KIF1B: variants seen among roughly 807,000 people sequenced by gnomAD.
The protein encoded by KIF1B is kinesin family member 1B, also known as kinesin-like protein KIF1B.
A neutral mutation model predicts 241.9 loss-of-function variants in KIF1B; 76 were observed. The observed-to-expected ratio is 0.31, with a 90% CI of 0.26 to 0.38. The LOEUF (loss-of-function observed/expected upper bound fraction) is 0.38, where lower values mean the gene tolerates loss of function less well. Among genes scored for constraint, KIF1B ranks in the 10% least tolerant of loss-of-function variants. The pLI, the probability that KIF1B is intolerant of heterozygous loss-of-function variation, is 1.00. For synonymous variants in KIF1B, 750 were observed against 796.7 expected, an observed-to-expected ratio of 0.94 and a Z score of 0.99; for missense variants, 1,622 against 2,271.4, an observed-to-expected ratio of 0.71 and a Z score of 5.81.
rs761570473 is a variant in KIF1B, at chr1:10,276,362, G to A, written c.1000G>A (p.Ala334Thr). ...TGCAATGGTTGCTGCTCTGAGCCCC[G>A]CGGATATCAACTACGATGAGACTTT... ...RTAMVAALSP[A>T]DINYDETLST... Residue 334 changes from alanine (A) to threonine (T), a missense_variant, in exon 12 of 49, where the codon GCG becomes ACG. Physicochemically the swap from Ala to Thr is moderately conservative, Grantham distance 58 (BLOSUM62 0). Transcript: ENST00000676179. 2.5e-6 allele frequency: 4 copies of A among 1,613,790 alleles called. No homozygotes were observed. Among genetic ancestry groups the A allele is most frequent in the Admixed American group, 1.7e-5 (1 of 60,000 alleles).
chr1:10,314,831 A>G (rs1340264775), intron 22 of KIF1B, among the ~76,000 whole-genome samples: 1 of 151,680 alleles, frequency 6.6e-6, no homozygotes, highest in Non-Finnish European at 1.5e-5. Flanking sequence ...CTTAACTGTC[A>G]GAGTCTGAGA....
chr1:10,276,415 C>T lies in KIF1B; in HGVS notation c.1037+16C>T. ...GCACTCTGAGGTACTTTCTTTTGATCTCAGTAACAACATAGACCACATTGC... is the reference window on the plus strand; with the variant it reads ...GCACTCTGAGGTACTTTCTTTTGATTTCAGTAACAACATAGACCACATTGC... On this transcript the variant is annotated intron_variant, in intron 12 of 48. Transcript: ENST00000676179. The T allele has an allele frequency of 6.3e-7, 1 of 1,595,722 alleles. No individual in the cohort carries two copies. Among genetic ancestry groups the T allele is most frequent in the Non-Finnish European group, 8.6e-7 (1 of 1,164,058 alleles).
At position 10,271,534 on chromosome 1, in the gene KIF1B, A is replaced by C. The variant is rs537439756; in HGVS notation, c.753A>C (p.Gly251=). The C allele has an allele frequency of 9.3e-6, 15 of 1,614,030 alleles. No individual in the cohort carries two copies. In the African/African-American group the frequency reaches 1.3e-4, roughly 14 times the overall value. Residue 251 remains glycine (G), a synonymous_variant, in exon 8 of 49, where the codon GGA becomes GGC. Transcript: ENST00000676179. ...VSKISLVDLA[G]SERADSTGAK... is the part of the protein sequence containing the mutation. ...AAATCAGCTTGGTGGATCTAGCAGG[A>C]AGTGAACGAGCTGATTCAACTGGTG...
intron 5 of KIF1B, among the ~76,000 whole-genome samples, chr1:10,264,433 G>T (rs546453541): frequency 1.5e-4 from 23 of 152,308 alleles, no homozygotes; most frequent in African/African-American, 5.3e-4. Flanking sequence ...TGGAGCACAT[G>T]AACTTTTACC....
At chr1:10,308,747 G>A (rs1297147594) in intron 22 of KIF1B, 1 of 606,668 alleles carries the variant, frequency 1.6e-6, no homozygotes, top group East Asian at 1.1e-4. Flanking sequence ...AACTTGATTA[G>A]TTTTAAAGCT....
chr1:10,272,163 A>G (rs1416098207), intron 8 of KIF1B, 78 bp from the exon 9 acceptor site: 3 of 943,178 alleles, frequency 3.2e-6, no homozygotes, highest in Non-Finnish European at 1.7e-6. Flanking sequence ...GCATATGGCA[A>G]ATCATATTTT....
chr1:10,257,205 G>A (rs914625870), intron 3 of KIF1B, among the ~76,000 whole-genome samples: 9 of 151,488 alleles, frequency 5.9e-5, no homozygotes, highest in Non-Finnish European at 1.2e-4. Context: ...TGGGATTAAA[G>A]GAGTGAGCCA....
chr1:10,270,787 G>T (rs372941949), intron 7 of KIF1B, among the ~76,000 whole-genome samples: 2 of 151,900 alleles, frequency 1.3e-5, no homozygotes, highest in African/African-American at 2.4e-5. Context: ...TTAGCTGGGC[G>T]TGGTGGTGGG....
In KIF1B at chr1:10,276,177, C is replaced by G. The variant is rs548108219; in HGVS notation, c.959-144C>G. On this transcript the variant is annotated intron_variant, in intron 11 of 48. Transcript: ENST00000676179. ...CCCACCTGGGTGAAAGAGTGAGACT[C>G]CCTCTCAAAAAAAAAATAAAAGAAA... The G allele has an allele frequency of 1.1e-4, 74 of 678,952 alleles. No individual in the cohort carries two copies. The Middle Eastern group carries it at 1.3e-3, about 12-fold the overall frequency. 42.1% of individuals were successfully genotyped at this position (678,952 alleles called of 1,614,324 possible).
chr1:10,324,899 T>A lies in KIF1B; in HGVS notation c.2675+4T>A. ...ACTGGTTCAAACTTGTGGGGAGGTA[T>A]GTGATGATTTTGTTGATGTCTTCTT... is the stretch of plus-strand genomic sequence containing the variant. On this transcript the variant is annotated splice_donor_region_variant and intron_variant, in intron 26 of 48. Transcript: ENST00000676179. 6.2e-7 allele frequency: 1 copy of A among 1,614,044 alleles called. No individual in the cohort carries two copies.
intron 34 of KIF1B, chr1:10,344,784 CT>C (rs1194443957): frequency 6.6e-6 from 1 of 152,150 alleles, no homozygotes; most frequent in Non-Finnish European, 1.5e-5. Context: ...TTCATGATTG[CT>C]TTTCAAGATA....
At chr1:10,263,663 G>A (rs935209376) in intron 5 of KIF1B, among the ~76,000 whole-genome samples, 7 of 152,270 alleles carry the variant, frequency 4.6e-5, no homozygotes, top group Admixed American at 2.0e-4. Flanking sequence ...AGCATATTTT[G>A]CGTTAAAATG....
Position 10,365,675 on chromosome 1 carries a change from C to T in KIF1B, c.4752+27C>T, listed in dbSNP as rs377537899. ...TGTGAATCCCTTCCTCTTTGCTGAACGTCTTCCCACAAGGCTCCACAAACT... is the reference window on the plus strand; with the variant it reads ...TGTGAATCCCTTCCTCTTTGCTGAATGTCTTCCCACAAGGCTCCACAAACT... On this transcript the variant is annotated intron_variant, in intron 43 of 48. Coordinates refer to ENST00000676179, the MANE Select transcript of KIF1B (RefSeq NM_001365951.3). This position sits in a 1 kb window ranked among gnomAD's most constrained non-coding sequence, Gnocchi z 4.0. 1.1e-5 allele frequency: 18 copies of T among 1,613,420 alleles called. No individual in the cohort carries two copies. Among genetic ancestry groups the T allele is most frequent in the African/African-American group, 2.7e-5 (2 of 74,920 alleles).
At chr1:10,250,825 G>A (rs1432856063) in intron 2 of KIF1B, among the ~76,000 whole-genome samples, 6 of 151,416 alleles carry the variant, frequency 4.0e-5, no homozygotes, top group Admixed American at 4.0e-4. Flanking sequence ...GACGCTGTCT[G>A]GGGAAAACAA....
chr1:10,350,281 C>T (rs992099323), intron 37 of KIF1B, among the ~76,000 whole-genome samples: 4 of 151,236 alleles, frequency 2.6e-5, no homozygotes, highest in Admixed American at 6.6e-5. Context: ...ATAAATAGGC[C>T]GGGCGTGGTG....
intron 43 of KIF1B, among the ~76,000 whole-genome samples, chr1:10,366,927 C>T (rs113875567): frequency 0.036 from 5,387 of 151,624 alleles, 118 homozygotes; most frequent in Middle Eastern, 0.13. Flanking sequence ...GCCGAGATCG[C>T]GCCACTGCAC....
At chr1:10,212,906 A>G (rs867999243) in intron 1 of KIF1B, among the ~76,000 whole-genome samples, 1,299 of 116,306 alleles carry the variant, frequency 0.011, 28 homozygotes, top group African/African-American at 0.043. Context: ...ATATATATAT[A>G]TATATATATA....
rs182926482 is a variant in KIF1B at position 10,256,735 on chromosome 1, G to A, written c.183+412G>A. Among the ~76,000 whole-genome samples the A allele has an allele frequency of 7.9e-4, 119 of 150,778 alleles. 1 individual carries two copies. The highest frequency in any genetic ancestry group is 2.6e-3 in the African/African-American group (109 of 41,152). ...ATTATTATTATTTTTCTTCTGAGAC[G>A]GAGTCTCACTCTGTCGCCCAGGCTG... On this transcript the variant is annotated intron_variant, in intron 3 of 48. Transcript: ENST00000676179.
At chr1:10,336,183 C>G (rs892135973) in intron 28 of KIF1B, among the ~76,000 whole-genome samples, 1 of 152,308 alleles carries the variant, frequency 6.6e-6, no homozygotes, top group East Asian at 1.9e-4. Flanking sequence ...GAGTCTCGCT[C>G]TGTTGCCCAG....
Sources: allele counts gnomAD v4.1 joint callset (sites outside exome capture counted in the v4.1 genomes callset), GRCh38; gene constraint gnomAD v4.1.1; non-coding constraint Gnocchi (gnomAD v3.1); transcripts MANE v1.5; gene names NCBI Gene and HGNC (gene_info 2026-07-23, HGNC 2026-07-21).